AFMID: variants seen among roughly 807,000 people sequenced by gnomAD.
AFMID encodes the protein arylformamidase.
In AFMID, 39 loss-of-function variants were observed where a neutral mutation model predicts 47.5. The ratio of observed to expected loss-of-function variants is 0.82; its 90% CI spans 0.64 to 1.07. AFMID has a LOEUF of 1.07. Ranked by LOEUF, AFMID falls within the 50% of genes least tolerant of loss-of-function variation. AFMID has a pLI of 0.00. For missense variants in AFMID, 375 were observed against 387.5 expected (o/e 0.97, Z 0.27); for synonymous variants, 130 against 153.2 (o/e 0.85, Z 1.12).
chr17:78,205,254 G>A, intron 7 of AFMID, 64 bp downstream of exon 7: 1 of 1,524,224 alleles, frequency 6.6e-7, no homozygotes. Context: ...TGGGGTTTGG[G>A]CCAACTGCTT....
intron 6 of AFMID, 57 bp downstream of exon 6, chr17:78,204,957 G>T: frequency 1.2e-5 from 20 of 1,605,574 alleles, no homozygotes; most frequent in Non-Finnish European, 1.7e-5. Context: ...GGAGGACAGT[G>T]CAATCAGTAC....
chr17:78,202,557 C>G lies in AFMID; in HGVS notation c.213C>G (p.Gly71=). 6.2e-7 allele frequency: 1 copy of G among 1,613,990 alleles called. No individual in the cohort carries two copies. The highest frequency in any genetic ancestry group is 8.5e-7 in the Non-Finnish European group (1 of 1,179,980). The change falls in exon 3 of 11, where the codon GGC becomes GGG. Residue 71 remains glycine, a synonymous_variant. Transcript: ENST00000409257. The stretch of plus-strand genomic sequence containing the variant: ...TGCTGCATGTCCCCTATGGAGACGG[C>G]GAAGGGGAGAAAGTGGACATTTACT... The part of the protein sequence containing the change: ...KSLLHVPYGD[G]EGEKVDIYFP...
chr17:78,198,469 A>G (rs999149056), intron 2 of AFMID, among the ~76,000 whole-genome samples: 7 of 151,532 alleles, frequency 4.6e-5, no homozygotes, highest in Admixed American at 2.6e-4. Context: ...TTAGCCATGC[A>G]TGGTGGTGCG....
Position 78,197,176 on chromosome 17 carries a change from G to A in AFMID, c.155-5323G>A, listed in dbSNP as rs759651002. 1.5e-4 allele frequency: 229 copies of A among 1,550,430 alleles called. 2 individuals carry two copies. The Middle Eastern group carries it at 4.7e-3, about 32-fold the overall frequency. ...AGAACTCCTGTGTGAATTAAATCAC[G>A]ACCTTCTGATGAAGCCACTCCGATG... On this transcript the variant is annotated intron_variant, in intron 2 of 10. Coordinates refer to ENST00000409257, the MANE Select transcript of AFMID (RefSeq NM_001010982.5).
At chr17:78,198,475 G>A (rs1041854592) in intron 2 of AFMID, among the ~76,000 whole-genome samples, 1 of 151,854 alleles carries the variant, frequency 6.6e-6, no homozygotes. Context: ...ATGCATGGTG[G>A]TGCGTGCCTG....
chr17:78,204,598 C>T, intron 4 of AFMID, 58 bp from the exon 5 acceptor site: 1 of 1,560,954 alleles, frequency 6.4e-7, no homozygotes, highest in South Asian at 1.1e-5. Flanking sequence ...GTCCAGGACA[C>T]AGGAAGCAGC....
chr17:78,193,398 A>AAAAAT (rs1567844660), intron 2 of AFMID, among the ~76,000 whole-genome samples: 1 of 140,202 alleles, frequency 7.1e-6, no homozygotes, highest in East Asian at 2.2e-4. Context: ...AAAAAAAAAA[A>AAAAAT]GCTGTAAGCA....
rs766986450 is a variant in AFMID at position 78,205,659 on chromosome 17, A to G, written c.701A>G (p.Asp234Gly). The G allele has an allele frequency of 5.6e-6, 9 of 1,613,274 alleles. No individual in the cohort carries two copies. The Admixed American group carries it at 1.5e-4, about 27-fold the overall frequency. Residue 234 changes from aspartate to glycine, a missense_variant, in exon 9 of 11, where the codon GAC becomes GGC. Physicochemically the swap from Asp to Gly is moderately conservative, Grantham distance 94. Coordinates refer to ENST00000409257, the MANE Select transcript of AFMID (RefSeq NM_001010982.5). ...QLKVAQAQPVDPTCRVLVVVG... is the reference protein window; with the variant it reads ...QLKVAQAQPVGPTCRVLVVVG... ...AAGGTGGCCCAGGCACAGCCGGTGG[A>G]CCCCACCTGCCGTGTGCTGGTGGTC...
Position 78,206,023 on chromosome 17 carries a change from G to A in AFMID, c.858G>A (p.Leu286=). The A allele has an allele frequency of 6.2e-7, 1 of 1,614,116 alleles. No individual in the cohort carries two copies. Among genetic ancestry groups the A allele is most frequent in the Non-Finnish European group, 8.5e-7 (1 of 1,180,030 alleles). The change falls in exon 10 of 11, where the codon CTG becomes CTA. Residue 286 remains leucine, a synonymous_variant. Coordinates refer to ENST00000409257, the MANE Select transcript of AFMID (RefSeq NM_001010982.5). ...ACCACTTTGAAATTGTTGAGAATCT[G>A]ACCCAGAAGGACAACGTGCTCACCC... ...DVDHFEIVEN[L]TQKDNVLTQI... is the part of the protein sequence containing the mutation.
chr17:78,191,572 C>T (rs958321191), intron 2 of AFMID, among the ~76,000 whole-genome samples: 20 of 151,992 alleles, frequency 1.3e-4, no homozygotes, highest in African/African-American at 4.8e-4. Flanking sequence ...ACTCGGGAAC[C>T]TGAGGCATGA....
At chr17:78,189,411 C>T (rs1019367615) in intron 1 of AFMID, among the ~76,000 whole-genome samples, 3 of 149,474 alleles carry the variant, frequency 2.0e-5, no homozygotes, top group Non-Finnish European at 3.0e-5. Context: ...TTAGTAGAGA[C>T]GGAGTTTCAC....
At position 78,187,367 on chromosome 17, in the gene AFMID, C is replaced by G; in HGVS notation, c.-4C>G. The G allele has an allele frequency of 6.2e-7, 1 of 1,613,768 alleles. No individual in the cohort carries two copies. The highest frequency in any genetic ancestry group is 8.5e-7 in the Non-Finnish European group (1 of 1,179,914). On this transcript the variant is annotated 5_prime_UTR_variant, in exon 1 of 11. Coordinates refer to ENST00000409257, the MANE Select transcript of AFMID (RefSeq NM_001010982.5). ...GGACGCACGCCCATGCGGCTGTAGA[C>G]GCCATGATGGATGTGTCTGGTGTGG...
At chr17:78,201,645 A>G (rs1001937456) in intron 2 of AFMID, among the ~76,000 whole-genome samples, 4 of 152,150 alleles carry the variant, frequency 2.6e-5, no homozygotes, top group Admixed American at 2.0e-4. Flanking sequence ...ACAAAAAAGT[A>G]TAGCGCACAT....
chr17:78,203,062 T>C, intron 4 of AFMID: 4 of 287,114 alleles, frequency 1.4e-5, no homozygotes, highest in East Asian at 7.6e-5. Context: ...TCTCTTTTTT[T>C]TTTTTTTTTT....
At chr17:78,198,444 C>G (rs911425269) in intron 2 of AFMID, among the ~76,000 whole-genome samples, 1 of 139,272 alleles carries the variant, frequency 7.2e-6, no homozygotes, top group African/African-American at 2.6e-5. Flanking sequence ...ACTACAAATA[C>G]AAAAAAAAAA....
chr17:78,196,496 C>A (rs896905336), intron 2 of AFMID, among the ~76,000 whole-genome samples: 11 of 152,170 alleles, frequency 7.2e-5, no homozygotes, highest in Admixed American at 2.0e-4. Flanking sequence ...CTGGCCAACA[C>A]GACAAAACAC....
intron 2 of AFMID, among the ~76,000 whole-genome samples, chr17:78,192,948 A>G (rs2145850637): frequency 6.6e-6 from 1 of 152,230 alleles, no homozygotes; most frequent in Admixed American, 6.5e-5. Flanking sequence ...CAGCAATTCC[A>G]CCATCCTCCT....
chr17:78,190,897 G>A (rs918213725), intron 1 of AFMID, 73 bp from the exon 2 acceptor site: 21 of 1,377,566 alleles, frequency 1.5e-5, no homozygotes, highest in Non-Finnish European at 1.9e-5. Context: ...GAGCAGCCGG[G>A]CATGGGCGAG....
Position 78,205,705 on chromosome 17 carries a change from C to G in AFMID, c.747C>G (p.Pro249=), listed in dbSNP as rs200029195. The G allele has an allele frequency of 3.9e-5, 63 of 1,611,444 alleles. No individual in the cohort carries two copies. Among genetic ancestry groups the G allele is most frequent in the Non-Finnish European group, 5.0e-5 (59 of 1,180,002 alleles). The change falls in exon 9 of 11, where the codon CCC becomes CCG. Residue 249 remains proline, a synonymous_variant. Coordinates refer to ENST00000409257, the MANE Select transcript of AFMID (RefSeq NM_001010982.5). ...VLVVVGQFDS[P]EFHRQSWEFY... is the part of the protein sequence containing the mutation. Reference sequence around the variant, plus strand: ...TGGTCGTGGGCCAGTTCGACTCCCCCGAATTCCACCGACAGTCCTGGGAGT... The same window carrying G: ...TGGTCGTGGGCCAGTTCGACTCCCCGGAATTCCACCGACAGTCCTGGGAGT...
Sources: gnomAD v4.1 joint callset for allele counts (sites outside exome capture counted in the v4.1 genomes callset) on GRCh38, gnomAD v4.1.1 for gene constraint, MANE v1.5 for transcripts, NCBI Gene and HGNC (gene_info 2026-07-23, HGNC 2026-07-21) for gene names.